Variants in NFASC observed in about 807,000 individuals in gnomAD.
NFASC encodes neurofascin homolog.
NFASC carries 43 observed loss-of-function variants against 147.5 expected under a neutral mutation model. The ratio of observed to expected loss-of-function variants is 0.29; its 90% confidence interval spans 0.23 to 0.38. NFASC has a LOEUF of 0.38. NFASC is among the 10% of genes least tolerant of loss of function. NFASC has a pLI of 1.00. For synonymous variants in NFASC, 622 were observed against 665.5 expected (o/e 0.93, Z 1.01); for missense variants, 1,320 against 1,689.0 (o/e 0.78, Z 3.83).
chr1:204,946,922 A>T (rs985734019), intron 3 of NFASC: 4 of 404,842 alleles, frequency 9.9e-6, no homozygotes, highest in Non-Finnish European at 2.0e-5. Flanking sequence ...AAACAAGCAG[A>T]TGGTGATCCC....
chr1:204,980,082 G>A (rs562707824), intron 19 of NFASC, among the ~76,000 whole-genome samples: 3 of 152,346 alleles, frequency 2.0e-5, no homozygotes, highest in Non-Finnish European at 4.4e-5. Context: ...AATCCACATT[G>A]AGTTGGCTTA....
At chr1:204,971,938 G>A (rs1278066135) in intron 11 of NFASC, among the ~76,000 whole-genome samples, 1 of 152,202 alleles carries the variant, frequency 6.6e-6, no homozygotes, top group Non-Finnish European at 1.5e-5. Context: ...CTGAGCCTCA[G>A]CCCTGGAAAG....
chr1:204,861,078 CTTTTTTTTTTTTTT>C (rs1162020795), intron 1 of NFASC, among the ~76,000 whole-genome samples: 1 of 68,948 alleles, frequency 1.5e-5, no homozygotes, highest in South Asian at 4.3e-4. Flanking sequence ...ACTTGCTTTC[CTTTTTTTTTTTTTT>C]TTTTTTTTTT....
chr1:205,007,782 A>G (rs1891251), intron 27 of NFASC, among the ~76,000 whole-genome samples: 17,516 of 152,220 alleles, frequency 0.12, 2,505 homozygotes, highest in African/African-American at 0.34. Flanking sequence ...AGGTAGGACT[A>G]GAGAGATGGC....
In NFASC at chr1:204,863,717, C is replaced by T. The variant is rs181443002; in HGVS notation, c.-200+34935C>T. ...TACAAAAATTAGTCAGGCGTGGTGG[C>T]GGGTGCCTGTAGTCCCACTACTCGG... On this transcript the variant is annotated intron_variant, in intron 1 of 29. Coordinates refer to ENST00000339876, the MANE Select transcript of NFASC (RefSeq NM_001005388.3). 6.1e-3 allele frequency among the ~76,000 whole-genome samples: 921 copies of T among 151,780 alleles called. 16 individuals are homozygous for T. The highest frequency in any genetic ancestry group is 0.021 in the African/African-American group (857 of 41,366).
At chr1:204,911,908 G>A (rs2087616425) in intron 1 of NFASC, among the ~76,000 whole-genome samples, 1 of 152,186 alleles carries the variant, frequency 6.6e-6, no homozygotes. Flanking sequence ...AGTTATGTGT[G>A]TAGAGTTTTC....
At position 204,987,255 on chromosome 1, in the gene NFASC, G is replaced by A; in HGVS notation, c.2471-163G>A. 1 of 648,680 alleles carries A rather than the reference G, an allele frequency of 1.5e-6. No individual in the cohort carries two copies. The highest frequency in any genetic ancestry group is 1.9e-5 in the South Asian group (1 of 51,538). The allele number at this position is 648,680 out of a possible 1,614,324, so 40.2% of individuals were successfully genotyped here. The stretch of plus-strand genomic sequence containing the variant: ...AATAGCATCCTGGATGGGGCAATGG[G>A]CTCCGGTCGTCTCACGGTTCTCCCA... On this transcript the variant is annotated intron_variant, in intron 21 of 29. Coordinates refer to ENST00000339876, the MANE Select transcript of NFASC (RefSeq NM_001005388.3). This position sits in a 1 kb window ranked among gnomAD's most constrained non-coding sequence, Gnocchi z 4.4.
intron 1 of NFASC, among the ~76,000 whole-genome samples, chr1:204,841,303 G>C (rs963354962): frequency 1.4e-4 from 22 of 152,226 alleles, no homozygotes; most frequent in Non-Finnish European, 2.9e-4. Flanking sequence ...GGGTGTGTCT[G>C]ATTCCAAAGT....
intron 8 of NFASC, among the ~76,000 whole-genome samples, chr1:204,962,961 T>C (rs2094759672): frequency 6.6e-6 from 1 of 152,164 alleles, no homozygotes; most frequent in African/African-American, 2.4e-5. Flanking sequence ...GAATGTCTTA[T>C]TTTCCCTGAG....
intron 17 of NFASC, among the ~76,000 whole-genome samples, chr1:204,978,622 G>A (rs1415626377): frequency 6.6e-6 from 1 of 152,252 alleles, no homozygotes; most frequent in Non-Finnish European, 1.5e-5. Context: ...TCGTGAGCAT[G>A]GGTCTGATGA....
At chr1:204,944,073 G>A (rs575577266) in intron 2 of NFASC, among the ~76,000 whole-genome samples, 153 bp from the exon 3 acceptor site, 102 of 152,296 alleles carry the variant, frequency 6.7e-4, no homozygotes, top group African/African-American at 2.4e-3. Context: ...TCAGTCCCAC[G>A]TGTCAGTAGT....
At chr1:204,977,985 C>T (rs1034780837) in intron 17 of NFASC, among the ~76,000 whole-genome samples, 1 of 152,198 alleles carries the variant, frequency 6.6e-6, no homozygotes, top group African/African-American at 2.4e-5. Flanking sequence ...TCCACACTCA[C>T]CGCTCCCTCA....
chr1:205,018,236 G>A lies in NFASC; in HGVS notation c.*1697G>A, dbSNP rs548164471. Reference sequence around the variant, plus strand: ...TCAGGAGGGTGAAGCTGATCCCCAGGAATGGATCAGCTGCCATGGGCACAG... The same window carrying A: ...TCAGGAGGGTGAAGCTGATCCCCAGAAATGGATCAGCTGCCATGGGCACAG... On this transcript the variant is annotated 3_prime_UTR_variant, in exon 30 of 30. Transcript: ENST00000339876. The A allele has an allele frequency of 5.2e-5, 8 of 152,594 alleles. No homozygotes were observed. In the South Asian group the frequency reaches 8.3e-4, roughly 16 times the overall value. 9.5% of individuals were successfully genotyped at this position (152,594 alleles called of 1,614,324 possible). A position where few individuals can be genotyped will look rare whatever the true frequency, so the allele number is the denominator to read the frequency against.
chr1:204,968,373 T>A lies in NFASC; in HGVS notation c.818+13T>A. ...TCGCCTCCGGGGTGTATGTGCGGTT[T>A]GCAGCCCCTCTTCTAGCCACCCTCC... On this transcript the variant is annotated intron_variant, in intron 9 of 29. Transcript: ENST00000339876. The surrounding 1 kb of genome is among the most constrained non-coding windows in gnomAD (Gnocchi z 5.4). 6.3e-7 allele frequency: 1 copy of A among 1,598,972 alleles called. No homozygotes were observed. Among genetic ancestry groups the A allele is most frequent in the Non-Finnish European group, 8.6e-7 (1 of 1,166,202 alleles).
chr1:205,012,812 A>C lies in NFASC; in HGVS notation c.3437A>C (p.Asp1146Ala). 1 of 1,613,486 alleles carries C rather than the reference A, an allele frequency of 6.2e-7. No individual in the cohort carries two copies. The highest frequency in any genetic ancestry group is 8.5e-7 in the Non-Finnish European group (1 of 1,179,396). The change falls in exon 29 of 30, where the codon GAT (aspartate) becomes GCT (alanine). Residue 1146 changes from aspartate (D) to alanine (A), a missense_variant. By Grantham distance (126) the Asp-to-Ala change is moderately radical. This residue lies in a region of NFASC where 167 missense variants were observed against 233.8 expected (regional missense o/e 0.71). Coordinates refer to ENST00000339876, the MANE Select transcript of NFASC (RefSeq NM_001005388.3). ...TTTGACCAAGTACGAGAAAAGAAGG[A>C]TGTTCCCCTTGGCCCTGAAGACCCC... ...GGKYPVREKK[D>A]VPLGPEDPKE...
chr1:205,017,059 G>A lies in NFASC; in HGVS notation c.*520G>A, dbSNP rs565653458. The A allele has an allele frequency of 1.4e-4, 32 of 231,262 alleles. No individual in the cohort carries two copies. The highest frequency in any genetic ancestry group is 1.8e-3 in the Middle Eastern group (1 of 556). The allele number at this position is 231,262 out of a possible 1,614,324, so 14.3% of individuals were successfully genotyped here. ...AAGGATTGAATCCATACCAGAACAC[G>A]TAGACAGGCTGTAATATTCAAACCA... On this transcript the variant is annotated 3_prime_UTR_variant, in exon 30 of 30. Transcript: ENST00000339876.
At chr1:204,996,840 C>CA (rs1272672165) in intron 24 of NFASC, among the ~76,000 whole-genome samples, 1 of 152,176 alleles carries the variant, frequency 6.6e-6, no homozygotes, top group Non-Finnish European at 1.5e-5. Flanking sequence ...CCTGGGGCTC[C>CA]ATGCCATCCC....
intron 1 of NFASC, among the ~76,000 whole-genome samples, chr1:204,916,129 T>C (rs1244384070): frequency 1.3e-5 from 2 of 152,180 alleles, no homozygotes; most frequent in Non-Finnish European, 1.5e-5. Context: ...TTCTGGAATC[T>C]AGGGACAGCA....
In NFASC at chr1:205,016,907, C is replaced by T. The variant is rs772080277; in HGVS notation, c.*368C>T. The T allele has an allele frequency of 3.5e-4, 122 of 353,152 alleles. 3 individuals carry two copies. Among genetic ancestry groups the T allele is most frequent in the African/African-American group, 1.8e-3 (87 of 47,320 alleles). 21.9% of individuals were successfully genotyped at this position (353,152 alleles called of 1,614,324 possible). A position where few individuals can be genotyped will look rare whatever the true frequency, so the allele number is the denominator to read the frequency against. ...ACGGGACTTCTCATTGTCTTAATTT[C>T]GCTTTGTGCATCTTCCCCTCCAGAC... On this transcript the variant is annotated 3_prime_UTR_variant, in exon 30 of 30. Coordinates refer to ENST00000339876, the MANE Select transcript of NFASC (RefSeq NM_001005388.3). The surrounding 1 kb of genome is among the most constrained non-coding windows in gnomAD (Gnocchi z 5.1).
Sources: allele counts gnomAD v4.1 joint callset (sites outside exome capture counted in the v4.1 genomes callset), GRCh38; gene constraint gnomAD v4.1.1; regional missense constraint gnomAD v4.1.1; non-coding constraint Gnocchi (gnomAD v3.1); transcripts MANE v1.5; gene names NCBI Gene and HGNC (gene_info 2026-07-23, HGNC 2026-07-21).